The following HTR1F variants were observed in gnomAD, a reference collection of about 807,000 sequenced individuals.
HTR1F encodes the protein 5-hydroxytryptamine (serotonin) receptor 1F, G protein-coupled.
Under a neutral mutation model 24.0 loss-of-function variants are expected in HTR1F, and 17 were observed. That is an observed-to-expected ratio of 0.71 (90% CI 0.48 to 1.06). HTR1F has a LOEUF of 1.06. Ranked by LOEUF, HTR1F falls within the 50% of genes least tolerant of loss-of-function variation. The probability of loss-of-function intolerance (pLI) is 0.00; values close to 1 mark genes in which losing one functional copy is unlikely to be tolerated. For missense variants in HTR1F, 391 were observed against 427.8 expected, an observed-to-expected ratio of 0.91 and a Z score of 0.76; for synonymous variants, 186 against 156.8, an observed-to-expected ratio of 1.19 and a Z score of -1.39.
intron 2 of HTR1F, among the ~76,000 whole-genome samples, chr3:87,972,859 T>C (rs1286541020): frequency 1.3e-5 from 1 of 78,368 alleles, no homozygotes; most frequent in South Asian, 5.9e-4. Context: ...TCTCATTGTC[T>C]CACATCTCAG....
intron 2 of HTR1F, among the ~76,000 whole-genome samples, chr3:87,880,204 G>A (rs1705759698): frequency 6.6e-6 from 1 of 152,156 alleles, no homozygotes; most frequent in Non-Finnish European, 1.5e-5. Context: ...AGGGGCATGA[G>A]AAAACTTTGG....
chr3:87,818,812 C>T (rs188358329), intron 1 of HTR1F, among the ~76,000 whole-genome samples: 2 of 152,196 alleles, frequency 1.3e-5, no homozygotes, highest in African/African-American at 4.8e-5. Flanking sequence ...CACCCTAGAC[C>T]CCTCATTTGC....
intron 2 of HTR1F, among the ~76,000 whole-genome samples, chr3:87,869,112 A>C (rs1388415249): frequency 6.6e-6 from 1 of 152,086 alleles, no homozygotes. Flanking sequence ...TATTGTTATC[A>C]CAACCTAAGA....
chr3:87,876,760 C>T (rs1046301279), intron 2 of HTR1F, among the ~76,000 whole-genome samples: 2 of 152,094 alleles, frequency 1.3e-5, no homozygotes, highest in Admixed American at 6.5e-5. Flanking sequence ...GTAGAGCTAC[C>T]GAAGAACAAC....
chr3:87,905,108 A>T (rs1381119853), intron 2 of HTR1F, among the ~76,000 whole-genome samples: 3 of 151,798 alleles, frequency 2.0e-5, no homozygotes, highest in Non-Finnish European at 4.4e-5. Flanking sequence ...AGGAGTTTGA[A>T]ACTAGCCTGA....
intron 2 of HTR1F, among the ~76,000 whole-genome samples, chr3:87,865,175 AC>A (rs1425951079): frequency 6.6e-6 from 1 of 152,184 alleles, no homozygotes; most frequent in Admixed American, 6.6e-5. Context: ...TTGCTTCAAT[AC>A]GTCAAATTCC....
intron 2 of HTR1F, among the ~76,000 whole-genome samples, chr3:87,854,309 T>C (rs1399045941): frequency 1.3e-5 from 2 of 152,044 alleles, no homozygotes; most frequent in Non-Finnish European, 2.9e-5. Context: ...ATTTGTGTCT[T>C]ATCTACCTCA....
intron 2 of HTR1F, among the ~76,000 whole-genome samples, chr3:87,920,926 C>T (rs1397809966): frequency 6.6e-6 from 1 of 151,948 alleles, no homozygotes; most frequent in African/African-American, 2.4e-5. Flanking sequence ...ATACTATGTC[C>T]TCTTGCTTCT....
At chr3:87,833,849 A>G (rs770423799) in intron 2 of HTR1F, among the ~76,000 whole-genome samples, 5 of 151,968 alleles carry the variant, frequency 3.3e-5, no homozygotes, top group Non-Finnish European at 7.4e-5. Context: ...ATTTTTACGT[A>G]ATTGAGACTT....
chr3:87,926,390 G>T lies in HTR1F; in HGVS notation c.-42-64318G>T, dbSNP rs142429374. On this transcript the variant is annotated intron_variant, in intron 2 of 2. Transcript: ENST00000319595. ...CTTGTCAGCACAGCATCATGTAGAT[G>T]ACTCTCCTATATGCTCCCATAGCAT... is the stretch of plus-strand genomic sequence containing the variant. Among the ~76,000 whole-genome samples, 93 of 152,238 alleles carry T rather than the reference G, an allele frequency of 6.1e-4. 1 individual carries two copies. Among genetic ancestry groups the T allele is most frequent in the Middle Eastern group, 3.4e-3 (1 of 292 alleles).
intron 2 of HTR1F, among the ~76,000 whole-genome samples, chr3:87,925,226 G>A (rs1032585609): frequency 2.6e-5 from 4 of 152,216 alleles, no homozygotes; most frequent in African/African-American, 9.6e-5. Flanking sequence ...AAGACTCCCT[G>A]GTCAAGGGAT....
At chr3:87,874,104 CATG>C (rs1024030341) in intron 2 of HTR1F, among the ~76,000 whole-genome samples, 1 of 151,944 alleles carries the variant, frequency 6.6e-6, no homozygotes, top group African/African-American at 2.4e-5. Flanking sequence ...TTCTATTCAA[CATG>C]ATAATGGAGT....
chr3:87,802,435 T>G (rs1021302007), intron 1 of HTR1F, among the ~76,000 whole-genome samples: 4 of 151,340 alleles, frequency 2.6e-5, no homozygotes. Flanking sequence ...CCTTGAAATT[T>G]GGGGGCCAAG....
intron 2 of HTR1F, among the ~76,000 whole-genome samples, chr3:87,916,666 G>A (rs1479832637): frequency 6.6e-6 from 1 of 152,052 alleles, no homozygotes; most frequent in Non-Finnish European, 1.5e-5. Context: ...TTGTCCAACA[G>A]GAAAATATCA....
intron 2 of HTR1F, among the ~76,000 whole-genome samples, chr3:87,982,610 A>G (rs2107515266): frequency 6.6e-6 from 1 of 152,342 alleles, no homozygotes; most frequent in South Asian, 2.1e-4. Context: ...AGCAGAGTCA[A>G]GAGCCTGGAG....
At chr3:87,949,382 T>C (rs1039412431) in intron 2 of HTR1F, among the ~76,000 whole-genome samples, 1 of 152,228 alleles carries the variant, frequency 6.6e-6, no homozygotes, top group East Asian at 1.9e-4. Flanking sequence ...TTGTAAGGTA[T>C]AAATCACAGC....
chr3:87,947,126 A>G (rs2107454508), intron 2 of HTR1F, among the ~76,000 whole-genome samples: 1 of 152,348 alleles, frequency 6.6e-6, no homozygotes, highest in East Asian at 1.9e-4. Flanking sequence ...AAAACATTTT[A>G]AACTCAGCAA....
At chr3:87,881,090 G>A (rs1007780800) in intron 2 of HTR1F, among the ~76,000 whole-genome samples, 2 of 152,192 alleles carry the variant, frequency 1.3e-5, no homozygotes, top group Non-Finnish European at 2.9e-5. Context: ...CATAGTGGGT[G>A]CAGCCCACGG....
chr3:87,945,061 C>T (rs1417982557), intron 2 of HTR1F, among the ~76,000 whole-genome samples: 1 of 151,996 alleles, frequency 6.6e-6, no homozygotes, highest in Non-Finnish European at 1.5e-5. Context: ...ATCTTTTTCT[C>T]TCTCTCTTCT....
Sources: gnomAD v4.1 joint callset for allele counts (sites outside exome capture counted in the v4.1 genomes callset) on GRCh38, gnomAD v4.1.1 for gene constraint, MANE v1.5 for transcripts, NCBI Gene and HGNC (gene_info 2026-07-23, HGNC 2026-07-21) for gene names.